SLC25A26: variants seen among roughly 807,000 people sequenced by gnomAD.
The protein encoded by SLC25A26 is mitochondrial S-adenosylmethionine carrier protein.
A neutral mutation model predicts 37.8 loss-of-function variants in SLC25A26; 36 were observed. The observed-to-expected ratio is 0.95, with a 90% confidence interval of 0.73 to 1.26. SLC25A26 has a LOEUF of 1.26. SLC25A26 is among the 50% of genes most tolerant of loss of function. The pLI is 0.00. For missense variants in SLC25A26, 390 were observed against 331.1 expected, an observed-to-expected ratio of 1.18 and a Z score of -1.38; for synonymous variants, 129 against 122.5, an observed-to-expected ratio of 1.05 and a Z score of -0.35.
chr3:66,229,598 A>G (rs1250703879), intron 1 of SLC25A26, among the ~76,000 whole-genome samples: 1 of 152,172 alleles, frequency 6.6e-6, no homozygotes, highest in Non-Finnish European at 1.5e-5. Flanking sequence ...GCATGATTGT[A>G]AGTTTCCTGA....
chr3:66,314,390 T>C (rs1047700109), intron 5 of SLC25A26, among the ~76,000 whole-genome samples: 1 of 152,192 alleles, frequency 6.6e-6, no homozygotes, highest in Non-Finnish European at 1.5e-5. Flanking sequence ...GTTTTTGTTT[T>C]TGGATCTGTT....
chr3:66,144,266 T>G (rs1484666295), intron 1 of SLC25A26, among the ~76,000 whole-genome samples: 5 of 152,162 alleles, frequency 3.3e-5, no homozygotes, highest in Non-Finnish European at 7.3e-5. Flanking sequence ...ACAATGTCAC[T>G]GTGGCTGGAA....
At chr3:66,145,157 T>C (rs2070096902) in intron 1 of SLC25A26, among the ~76,000 whole-genome samples, 1 of 152,202 alleles carries the variant, frequency 6.6e-6, no homozygotes. Context: ...CTGTCTTCTC[T>C]GAGCAATATT....
At chr3:66,193,455 C>G (rs2070983729) in intron 1 of SLC25A26, among the ~76,000 whole-genome samples, 1 of 152,014 alleles carries the variant, frequency 6.6e-6, no homozygotes, top group Non-Finnish European at 1.5e-5. Context: ...AGTTAAAATG[C>G]TATCATGGAG....
intron 1 of SLC25A26, among the ~76,000 whole-genome samples, chr3:66,210,808 C>G (rs1283010935): frequency 2.5e-5 from 3 of 119,116 alleles, no homozygotes; most frequent in Non-Finnish European, 3.6e-5. Flanking sequence ...GCTACTGCGC[C>G]CGGCCTCGAC....
chr3:66,242,934 G>A (rs1297803395), intron 2 of SLC25A26, among the ~76,000 whole-genome samples: 1 of 152,190 alleles, frequency 6.6e-6, no homozygotes, highest in East Asian at 1.9e-4. Context: ...TAATTTGTCA[G>A]TACAACACGG....
chr3:66,237,199 A>AG (rs1396653570), intron 2 of SLC25A26, among the ~76,000 whole-genome samples: 1 of 152,146 alleles, frequency 6.6e-6, no homozygotes, highest in East Asian at 1.9e-4. Flanking sequence ...TATTTGTAGT[A>AG]GGGAAAAAAA....
intron 5 of SLC25A26, among the ~76,000 whole-genome samples, chr3:66,285,813 A>G (rs572667724): frequency 6.6e-6 from 1 of 152,224 alleles, no homozygotes; most frequent in South Asian, 2.1e-4. Flanking sequence ...GAGGCCTGGA[A>G]CGAACCACAT....
chr3:66,195,280 C>T (rs2071026501), intron 1 of SLC25A26, among the ~76,000 whole-genome samples: 1 of 152,330 alleles, frequency 6.6e-6, no homozygotes, highest in African/African-American at 2.4e-5. Flanking sequence ...TGACCCTGTC[C>T]TGTGCTGATC....
At chr3:66,175,942 T>C (rs967974402) in intron 1 of SLC25A26, among the ~76,000 whole-genome samples, 25 of 152,170 alleles carry the variant, frequency 1.6e-4, no homozygotes, top group African/African-American at 5.5e-4. Context: ...ATAAAATTAA[T>C]TATCACCCAT....
intron 5 of SLC25A26, among the ~76,000 whole-genome samples, chr3:66,277,016 C>T (rs1013725302): frequency 6.7e-6 from 1 of 150,098 alleles, no homozygotes; most frequent in African/African-American, 2.4e-5. Flanking sequence ...TAGTGTTTTC[C>T]GATCAAGATA....
At chr3:66,186,266 TACTG>T (rs1433109489) in intron 1 of SLC25A26, among the ~76,000 whole-genome samples, 1 of 151,760 alleles carries the variant, frequency 6.6e-6, no homozygotes, top group Non-Finnish European at 1.5e-5. Flanking sequence ...CAACCTTTCA[TACTG>T]ACTGTCATCA....
intron 1 of SLC25A26, among the ~76,000 whole-genome samples, chr3:66,164,727 T>G (rs2070402881): frequency 6.6e-6 from 1 of 152,334 alleles, no homozygotes; most frequent in Non-Finnish European, 1.5e-5. Flanking sequence ...GTAAAATCTA[T>G]TCTTAGCTAA....
At chr3:66,279,066 C>T (rs757206574) in intron 5 of SLC25A26, among the ~76,000 whole-genome samples, 1 of 152,116 alleles carries the variant, frequency 6.6e-6, no homozygotes, top group Non-Finnish European at 1.5e-5. Context: ...CCTTCTTGCA[C>T]TCTATCAGTT....
chr3:66,161,454 G>A (rs967350903), intron 1 of SLC25A26, among the ~76,000 whole-genome samples: 14 of 152,150 alleles, frequency 9.2e-5, no homozygotes, highest in Admixed American at 5.2e-4. Context: ...GTGAGCCACA[G>A]AAGCAAGAGA....
chr3:66,369,569 A>G (rs1559747277), intron 8 of SLC25A26, 27 bp downstream of exon 8: 21 of 1,540,172 alleles, frequency 1.4e-5, no homozygotes, highest in Middle Eastern at 1.7e-4. Flanking sequence ...TGTAATGGAG[A>G]TACTTCAGAT....
At chr3:66,177,576 G>A (rs1246796679) in intron 1 of SLC25A26, among the ~76,000 whole-genome samples, 1 of 152,134 alleles carries the variant, frequency 6.6e-6, no homozygotes, top group African/African-American at 2.4e-5. Context: ...GCCCTATGTA[G>A]AGCCTATGCT....
At chr3:66,164,889 A>G (rs932691419) in intron 1 of SLC25A26, among the ~76,000 whole-genome samples, 1 of 152,126 alleles carries the variant, frequency 6.6e-6, no homozygotes, top group African/African-American at 2.4e-5. Flanking sequence ...GTGAATGGTA[A>G]TTATAACGCA....
chr3:66,296,833 G>A (rs1011530566), intron 5 of SLC25A26, among the ~76,000 whole-genome samples: 7 of 152,194 alleles, frequency 4.6e-5, no homozygotes, highest in Non-Finnish European at 8.8e-5. Context: ...TTGCAGATGG[G>A]ATGAGAAAGG....
Sources: allele counts gnomAD v4.1 joint callset (sites outside exome capture counted in the v4.1 genomes callset), GRCh38; gene constraint gnomAD v4.1.1; transcripts MANE v1.5; gene names NCBI Gene and HGNC (gene_info 2026-07-23, HGNC 2026-07-21).